CNTN3: variants seen among roughly 807,000 people sequenced by gnomAD.
CNTN3 encodes contactin 3.
CNTN3 carries 60 observed loss-of-function variants against 119.1 expected under a neutral mutation model. The ratio of observed to expected loss-of-function variants is 0.50; its 90% CI spans 0.41 to 0.62. The LOEUF (loss-of-function observed/expected upper bound fraction) is 0.62. Among genes scored for constraint, CNTN3 ranks in the 20% least tolerant of loss-of-function variants. CNTN3 has a pLI of 0.00. For missense variants in CNTN3, 1,101 were observed against 1,242.4 expected, an observed-to-expected ratio of 0.89 and a Z score of 1.71; for synonymous variants, 450 against 438.7, an observed-to-expected ratio of 1.03 and a Z score of -0.32.
chr3:74,544,032 G>A (rs1221063754), intron 1 of CNTN3, among the ~76,000 whole-genome samples: 2 of 152,186 alleles, frequency 1.3e-5, no homozygotes, highest in African/African-American at 4.8e-5. Flanking sequence ...ATCTGCAATG[G>A]AGGAGTTTGT....
At chr3:74,529,416 A>C (rs2107133295) in intron 1 of CNTN3, among the ~76,000 whole-genome samples, 1 of 152,070 alleles carries the variant, frequency 6.6e-6, no homozygotes, top group South Asian at 2.1e-4. Context: ...GGCAACTCTA[A>C]GAATCAATTT....
At chr3:74,395,730 G>A (rs1436376454) in intron 5 of CNTN3, among the ~76,000 whole-genome samples, 1 of 124,104 alleles carries the variant, frequency 8.1e-6, no homozygotes, top group East Asian at 3.4e-4. Context: ...GTTTTATTGT[G>A]CTTTGCTTAT....
At chr3:74,289,524 T>TC (rs1325990603) in intron 19 of CNTN3, among the ~76,000 whole-genome samples, 1 of 152,194 alleles carries the variant, frequency 6.6e-6, no homozygotes, top group African/African-American at 2.4e-5. Context: ...TTGTGCTACA[T>TC]CACTATATAT....
Position 74,561,014 on chromosome 3 carries a change from C to T in CNTN3, c.-80-39822G>A, listed in dbSNP as rs368882350. 4.7e-5 allele frequency among the ~76,000 whole-genome samples: 5 copies of T among 107,252 alleles called. No homozygotes were observed. The South Asian group carries it at 9.1e-4, about 20-fold the overall frequency. 70.4% of individuals were successfully genotyped at this position (107,252 alleles called of 152,430 possible). ...ACACAGGGTGGGGAACATCATACACCGGGACCTGTTGTGGGATGGGGGGAG... is the reference window on the plus strand; with the variant it reads ...ACACAGGGTGGGGAACATCATACACTGGGACCTGTTGTGGGATGGGGGGAG... On this transcript the variant is annotated intron_variant, in intron 1 of 22. Transcript: ENST00000263665.
At chr3:74,305,181 G>A (rs547526322) in intron 13 of CNTN3, among the ~76,000 whole-genome samples, 23 of 152,306 alleles carry the variant, frequency 1.5e-4, no homozygotes, top group African/African-American at 5.5e-4. Context: ...AATTTAGAAA[G>A]TGTAATCCAC....
intron 5 of CNTN3, among the ~76,000 whole-genome samples, chr3:74,410,373 C>T (rs1229077015): frequency 6.6e-6 from 1 of 152,150 alleles, no homozygotes; most frequent in African/African-American, 2.4e-5. Flanking sequence ...AAACAAAACA[C>T]ATCATGTGAG....
At chr3:74,384,979 C>A (rs1704712791) in intron 5 of CNTN3, among the ~76,000 whole-genome samples, 1 of 152,220 alleles carries the variant, frequency 6.6e-6, no homozygotes, top group African/African-American at 2.4e-5. Context: ...TACTGAAGGG[C>A]CTTTCTAGGT....
rs773581720 is a variant in CNTN3, at chr3:74,361,944, G to A, written c.1310C>T (p.Pro437Leu). 6.2e-7 allele frequency: 1 copy of A among 1,613,792 alleles called. No homozygotes were observed. Among genetic ancestry groups the A allele is most frequent in the South Asian group, 1.1e-5 (1 of 91,064 alleles). ...VSLDCKPRAS[P>L]RALSSWKKGD... ...CTTCTTCCAGGAAGAGAGTGCCCTT[G>A]GGGAGGCTCTGGGTTTACAATCCAA... The change falls in exon 11 of 23, where the codon CCA (proline) becomes CTA (leucine). Residue 437 changes from proline to leucine, a missense_variant. Pro to Leu is a moderately conservative substitution (Grantham distance 98, BLOSUM62 -3). Transcript: ENST00000263665.
intron 1 of CNTN3, among the ~76,000 whole-genome samples, chr3:74,560,870 T>G (rs1414851562): frequency 6.6e-6 from 1 of 151,846 alleles, no homozygotes; most frequent in Non-Finnish European, 1.5e-5. Context: ...TCATGTCCTT[T>G]GTAGGGACAT....
intron 13 of CNTN3, among the ~76,000 whole-genome samples, chr3:74,323,650 G>A (rs1421510920): frequency 1.3e-5 from 2 of 152,148 alleles, no homozygotes; most frequent in African/African-American, 2.4e-5. Flanking sequence ...GCCAGCATGA[G>A]TAAAGGTAAA....
chr3:74,513,249 C>G (rs947275376), intron 2 of CNTN3, among the ~76,000 whole-genome samples: 3 of 152,118 alleles, frequency 2.0e-5, no homozygotes, highest in Non-Finnish European at 4.4e-5. Context: ...TGGACTAAAA[C>G]TTTAATCGTA....
At chr3:74,265,573 G>GT (rs2106738379) in intron 22 of CNTN3, among the ~76,000 whole-genome samples, 1 of 152,162 alleles carries the variant, frequency 6.6e-6, no homozygotes, top group African/African-American at 2.4e-5. Context: ...AGTAGTTCCT[G>GT]TTTTCTTAGT....
intron 4 of CNTN3, among the ~76,000 whole-genome samples, chr3:74,443,456 A>G (rs1246159366): frequency 6.6e-6 from 1 of 152,050 alleles, no homozygotes; most frequent in Admixed American, 6.6e-5. Flanking sequence ...CACTTGTCCA[A>G]TCCTGCCCCT....
chr3:74,340,805 T>C (rs996130322), intron 11 of CNTN3, among the ~76,000 whole-genome samples: 3 of 152,166 alleles, frequency 2.0e-5, no homozygotes, highest in Admixed American at 1.3e-4. Flanking sequence ...AAAATGCCTC[T>C]TGTTGACTGA....
intron 13 of CNTN3, among the ~76,000 whole-genome samples, chr3:74,314,406 C>G (rs1308792257): frequency 2.0e-5 from 3 of 152,046 alleles, no homozygotes; most frequent in African/African-American, 7.2e-5. Flanking sequence ...TACATGTTGT[C>G]TACAAAAACC....
chr3:74,602,917 C>T (rs1704934726), intron 1 of CNTN3, among the ~76,000 whole-genome samples: 1 of 152,168 alleles, frequency 6.6e-6, no homozygotes, highest in Non-Finnish European at 1.5e-5. Context: ...AAGGGTCATT[C>T]TTAACTTGGG....
At chr3:74,432,862 T>A (rs1701807448) in intron 4 of CNTN3, among the ~76,000 whole-genome samples, 1 of 152,166 alleles carries the variant, frequency 6.6e-6, no homozygotes. Context: ...ATAAACCCCC[T>A]AAGGGAAAAC....
At chr3:74,599,004 A>G (rs1339240533) in intron 1 of CNTN3, among the ~76,000 whole-genome samples, 4 of 152,106 alleles carry the variant, frequency 2.6e-5, no homozygotes, top group Non-Finnish European at 5.9e-5. Flanking sequence ...GAAAAGCATC[A>G]TAAGAAAGGT....
chr3:74,437,410 C>A (rs1399382578), intron 4 of CNTN3, among the ~76,000 whole-genome samples: 1 of 151,914 alleles, frequency 6.6e-6, no homozygotes, highest in South Asian at 2.1e-4. Flanking sequence ...TGCAGTGAGC[C>A]GAGATCGCAC....
Sources: gnomAD v4.1 joint callset for allele counts (sites outside exome capture counted in the v4.1 genomes callset) on GRCh38, gnomAD v4.1.1 for gene constraint, MANE v1.5 for transcripts, NCBI Gene and HGNC (gene_info 2026-07-23, HGNC 2026-07-21) for gene names.